Variants in SERHL2 observed in about 807,000 individuals in gnomAD.
SERHL2 encodes the protein serine hydrolase-like protein 2.
In SERHL2, 29 loss-of-function variants were observed where a neutral mutation model predicts 25.5. That is an observed-to-expected ratio of 1.14 (90% CI 0.85 to 1.55). SERHL2 has a LOEUF of 1.55. SERHL2 is among the 40% of genes most tolerant of loss of function. SERHL2 has a pLI of 0.00. For synonymous variants in SERHL2, 95 were observed against 103.5 expected, an observed-to-expected ratio of 0.92 and a Z score of 0.50; for missense variants, 240 against 252.3, an observed-to-expected ratio of 0.95 and a Z score of 0.33.
rs1601827455 is a variant in SERHL2 at position 42,555,978 on chromosome 22, C to G, written c.329-86C>G. ...CCCCAGCCACCCATATGGTGCCCCCCCCCCCCAACTGGTGGGAAGAAGCTT... is the reference window on the plus strand; with the variant it reads ...CCCCAGCCACCCATATGGTGCCCCCGCCCCCCAACTGGTGGGAAGAAGCTT... On this transcript the variant is annotated intron_variant, in intron 4 of 11. Coordinates refer to ENST00000327678, the MANE Select transcript of SERHL2 (RefSeq NM_014509.5). The G allele has an allele frequency of 1.3e-5, 6 of 465,636 alleles. 1 individual carries two copies. In the East Asian group the frequency reaches 6.5e-4, roughly 50 times the overall value. 28.8% of individuals were successfully genotyped at this position (465,636 alleles called of 1,614,324 possible).
intron 11 of SERHL2, chr22:42,573,669 C>G: frequency 2.1e-6 from 1 of 482,836 alleles, no homozygotes; most frequent in Middle Eastern, 5.7e-4. Context: ...ACCCTGGCCT[C>G]GGCCCCGCCC....
At chr22:42,573,611 A>C (rs1601866514) in intron 11 of SERHL2, 7 of 274,430 alleles carry the variant, frequency 2.6e-5, no homozygotes, top group South Asian at 4.7e-5. Context: ...TCACGCCCCC[A>C]TCTCATTATC....
intron 8 of SERHL2, chr22:42,564,982 G>C (rs1923165686): frequency 6.6e-6 from 1 of 152,108 alleles, no homozygotes; most frequent in Non-Finnish European, 1.5e-5. Flanking sequence ...GTGTGTGTGT[G>C]TGTGTACACG....
intron 8 of SERHL2, among the ~76,000 whole-genome samples, chr22:42,561,692 G>C (rs1407092192): frequency 1.3e-5 from 2 of 151,778 alleles, no homozygotes; most frequent in African/African-American, 4.8e-5. Flanking sequence ...TAGTTGTCTT[G>C]AGTCCAGAAA....
Position 42,556,598 on chromosome 22 carries a change from G to A in SERHL2, c.423+10G>A, listed in dbSNP as rs779247462. On this transcript the variant is annotated intron_variant, in intron 6 of 11. Coordinates refer to ENST00000327678, the MANE Select transcript of SERHL2 (RefSeq NM_014509.5). Reference sequence around the variant, plus strand: ...TCTCCTGGAATCAGATGTGAGAAGCGGGCTTTCGTGCATGCTGTCATTAGG... The same window carrying A: ...TCTCCTGGAATCAGATGTGAGAAGCAGGCTTTCGTGCATGCTGTCATTAGG... The A allele has an allele frequency of 4.5e-5, 72 of 1,588,612 alleles. No homozygotes were observed. The highest frequency in any genetic ancestry group is 5.6e-5 in the Non-Finnish European group (65 of 1,162,458).
chr22:42,554,037 C>T lies in SERHL2; in HGVS notation c.17C>T (p.Ala6Val), dbSNP rs1921915495. 6.2e-7 allele frequency: 1 copy of T among 1,613,522 alleles called. No individual in the cohort carries two copies. The highest frequency in any genetic ancestry group is 1.3e-5 in the African/African-American group (1 of 74,928). ...ACGAGAGCGATGAGTGAGAACGCCGCACCAGGTCTGACGGGGAGGCCTTGT... is the reference window on the plus strand; with the variant it reads ...ACGAGAGCGATGAGTGAGAACGCCGTACCAGGTCTGACGGGGAGGCCTTGT... Reference protein sequence around the residue: MSENAAPGLISELKLA... With the variant: MSENAVPGLISELKLA... Residue 6 changes from alanine to valine, a missense_variant, in exon 1 of 12, where the codon GCA (alanine) becomes GTA (valine). Ala to Val is a moderately conservative substitution (Grantham distance 64, BLOSUM62 0). Transcript: ENST00000327678.
intron 8 of SERHL2, chr22:42,563,495 T>A (rs1025446529): frequency 1.0e-5 from 4 of 388,520 alleles, no homozygotes; most frequent in African/African-American, 2.1e-5. Context: ...TGAGTCACCA[T>A]GCCCAGCCAA....
chr22:42,573,945 T>C lies in SERHL2; in HGVS notation c.835T>C (p.Phe279Leu). The C allele has an allele frequency of 7.0e-7, 1 of 1,435,682 alleles. No individual in the cohort carries two copies. The highest frequency in any genetic ancestry group is 1.1e-5 in the South Asian group (1 of 88,014). 88.9% of individuals were successfully genotyped at this position (1,435,682 alleles called of 1,614,324 possible). Residue 279 changes from phenylalanine to leucine, a missense_variant, in exon 12 of 12, where the codon TTT becomes CTT. By Grantham distance (22) the Phe-to-Leu change is conservative. Around this residue, in one of 4 missense-constraint regions of SERHL2, gnomAD observed 212 missense variants for 168.9 expected, o/e 1.25. Transcript: ENST00000327678. ...CCCCTCCCCTCTCCAGCAGTTCCAG[T>C]TTGTGGAAGTCCCAGGCAATCACTG... is the stretch of plus-strand genomic sequence containing the variant. ...MKSTLKEQFQ[F>L]VEVPGNHCVH...
intron 7 of SERHL2, among the ~76,000 whole-genome samples, chr22:42,559,810 G>T (rs1922449806): frequency 6.6e-6 from 1 of 151,770 alleles, no homozygotes; most frequent in South Asian, 2.1e-4. Flanking sequence ...TTTTTTTGTT[G>T]TTGTTGTGTT....
chr22:42,561,257 G>A (rs1461410262), intron 8 of SERHL2, among the ~76,000 whole-genome samples: 3 of 151,922 alleles, frequency 2.0e-5, no homozygotes, highest in Admixed American at 6.6e-5. Flanking sequence ...GGGAGATGGT[G>A]TCGTCGGATG....
At position 42,553,981 on chromosome 22, in the gene SERHL2, C is replaced by A. The variant is rs1921904458; in HGVS notation, c.-40C>A. ...ACTCTGCTCCTGCGACCTAGCCAGGCGTGAGGGAGTGACAGCAGCGCATTC... is the reference window on the plus strand; with the variant it reads ...ACTCTGCTCCTGCGACCTAGCCAGGAGTGAGGGAGTGACAGCAGCGCATTC... On this transcript the variant is annotated 5_prime_UTR_variant, in exon 1 of 12. Coordinates refer to ENST00000327678, the MANE Select transcript of SERHL2 (RefSeq NM_014509.5). 6.2e-7 allele frequency: 1 copy of A among 1,612,310 alleles called. No individual in the cohort carries two copies. Among genetic ancestry groups the A allele is most frequent in the Non-Finnish European group, 8.5e-7 (1 of 1,178,922 alleles).
In SERHL2 at chr22:42,556,531, C is replaced by A. The variant is rs149652431; in HGVS notation, c.366C>A (p.Pro122=). ...VVGGMFFCTF[P]EMVDKLILLD... Reference sequence around the variant, plus strand: ...CCTCACAGTTTTTCTGTACCTTCCCCGAGATGGTGGATAAACTTATCTTGC... The same window carrying A: ...CCTCACAGTTTTTCTGTACCTTCCCAGAGATGGTGGATAAACTTATCTTGC... Residue 122 remains proline, a synonymous_variant, in exon 6 of 12, where the codon CCC becomes CCA. Coordinates refer to ENST00000327678, the MANE Select transcript of SERHL2 (RefSeq NM_014509.5). The A allele has an allele frequency of 1.3e-5, 21 of 1,611,872 alleles. No individual in the cohort carries two copies. Among genetic ancestry groups the A allele is most frequent in the Middle Eastern group, 1.7e-4 (1 of 6,060 alleles).
intron 11 of SERHL2, chr22:42,573,631 G>A (rs867258027): frequency 2.4e-5 from 8 of 337,824 alleles, no homozygotes; most frequent in South Asian, 4.0e-5. Context: ...CTTTTCTCAC[G>A]GGTACCTCTT....
chr22:42,567,833 T>G (rs1923622226), intron 9 of SERHL2, among the ~76,000 whole-genome samples: 1 of 151,392 alleles, frequency 6.6e-6, no homozygotes, highest in Non-Finnish European at 1.5e-5. Flanking sequence ...CAGGTTCGAG[T>G]GATTCTCCTG....
At position 42,567,249 on chromosome 22, in the gene SERHL2, C is replaced by T. The variant is rs896524717; in HGVS notation, c.648+911C>T. ...CCAAGAGATGAGGCTTGGACCAGGG[C>T]GTCAGCCAATGGTCTGGGAATGTTA... On this transcript the variant is annotated intron_variant, in intron 9 of 11. Transcript: ENST00000327678. Among the ~76,000 whole-genome samples the T allele has an allele frequency of 1.1e-4, 16 of 151,982 alleles. 1 individual carries two copies. The highest frequency in any genetic ancestry group is 2.1e-4 in the South Asian group (1 of 4,828).
chr22:42,570,687 T>C (rs1448982029), intron 9 of SERHL2, among the ~76,000 whole-genome samples: 1 of 152,064 alleles, frequency 6.6e-6, no homozygotes, highest in Non-Finnish European at 1.5e-5. Context: ...TCCCAGCAAG[T>C]TTCTTCCTCC....
At chr22:42,567,147 CAT>C in intron 9 of SERHL2, among the ~76,000 whole-genome samples, 1 of 152,198 alleles carries the variant, frequency 6.6e-6, no homozygotes, top group South Asian at 2.1e-4. Context: ...ACATTGGACA[CAT>C]GTGAGACACT....
chr22:42,561,262 C>T (rs1005098082), intron 8 of SERHL2, among the ~76,000 whole-genome samples: 6 of 151,808 alleles, frequency 4.0e-5, no homozygotes, highest in African/African-American at 1.4e-4. Context: ...ATGGTGTCGT[C>T]GGATGGAAAA....
intron 9 of SERHL2, among the ~76,000 whole-genome samples, chr22:42,570,848 C>A (rs1207732656): frequency 2.6e-5 from 4 of 151,998 alleles, no homozygotes; most frequent in Non-Finnish European, 5.9e-5. Context: ...CACAGGCATA[C>A]CCGGTGGCAA....
Sources: allele counts gnomAD v4.1 joint callset (sites outside exome capture counted in the v4.1 genomes callset), GRCh38; gene constraint gnomAD v4.1.1; regional missense constraint gnomAD v4.1.1; transcripts MANE v1.5; gene names NCBI Gene and HGNC (gene_info 2026-07-23, HGNC 2026-07-21).